Variants in PTGER3 observed in about 807,000 individuals in gnomAD.
The protein encoded by PTGER3 is prostaglandin E receptor 3.
Under a neutral mutation model 34.7 loss-of-function variants are expected in PTGER3, and 22 were observed. The ratio of observed to expected loss-of-function variants is 0.63; its 90% confidence interval spans 0.45 to 0.91. The LOEUF (loss-of-function observed/expected upper bound fraction) is 0.91, where lower values mean the gene tolerates loss of function less well. Among genes scored for constraint, PTGER3 ranks in the 40% least tolerant of loss-of-function variants. The probability of loss-of-function intolerance (pLI) is 0.00; values close to 1 mark genes in which losing one functional copy is unlikely to be tolerated. For missense variants in PTGER3, 468 were observed against 519.4 expected, an observed-to-expected ratio of 0.90 and a Z score of 0.96; for synonymous variants, 241 against 230.1, an observed-to-expected ratio of 1.05 and a Z score of -0.43.
rs1414014245 is a variant in PTGER3 at position 71,029,947 on chromosome 1, TA to T, written c.897+16733del. 9.6e-4 allele frequency among the ~76,000 whole-genome samples: 142 copies of T among 147,778 alleles called. 1 individual carries two copies. In the Middle Eastern group the frequency reaches 0.039, roughly 41 times the overall value. ...TCTCAAATAATAATAATAATAATAATAATAATAATAATAACAAAATAAGTAA... is the reference window on the plus strand; with the variant it reads ...TCTCAAATAATAATAATAATAATAATATAATAATAATAACAAAATAAGTAA... On this transcript the variant is annotated intron_variant, in intron 1 of 3. Coordinates refer to ENST00000306666, the MANE Select transcript of PTGER3 (RefSeq NM_198719.2).
At chr1:70,994,461 AT>A (rs34358551) in intron 2 of PTGER3, among the ~76,000 whole-genome samples, 7 of 148,544 alleles carry the variant, frequency 4.7e-5, no homozygotes, top group East Asian at 2.0e-4. Flanking sequence ...GTAAACCTTA[AT>A]TTTTTTTTTT....
intron 1 of PTGER3, among the ~76,000 whole-genome samples, chr1:71,020,441 G>C (rs1276846860): frequency 2.6e-5 from 4 of 151,996 alleles, no homozygotes; most frequent in Non-Finnish European, 5.9e-5. Context: ...GTAAGCAGTG[G>C]GGCTGGACTG....
chr1:70,890,414 C>T lies in PTGER3; in HGVS notation c.*24-37555G>A, dbSNP rs1646591358. ...AATGACCCCCAAATCTATCTTCTAA[C>T]CTCTGTAAACTGGTGGAGGATGATA... On this transcript the variant is annotated intron_variant, in intron 4 of 4. Transcript: ENST00000370931. Among the ~76,000 whole-genome samples, 6 of 152,200 alleles carry T rather than the reference C, an allele frequency of 3.9e-5. 1 individual carries two copies. In the South Asian group the frequency reaches 1.2e-3, roughly 32 times the overall value.
intron 2 of PTGER3, among the ~76,000 whole-genome samples, chr1:70,979,115 A>G (rs987788504): frequency 6.6e-6 from 1 of 152,136 alleles, no homozygotes; most frequent in Non-Finnish European, 1.5e-5. Flanking sequence ...CTAGCCAATT[A>G]TACTACTCAG....
intron 4 of PTGER3, among the ~76,000 whole-genome samples, chr1:70,904,139 C>T (rs1646897497): frequency 6.6e-6 from 1 of 152,168 alleles, no homozygotes; most frequent in South Asian, 2.1e-4. Flanking sequence ...GCCTGCCCGC[C>T]ATCAATGTAA....
intron 4 of PTGER3, among the ~76,000 whole-genome samples, chr1:70,908,870 A>C (rs534431714): frequency 4.6e-5 from 7 of 152,316 alleles, no homozygotes; most frequent in African/African-American, 1.7e-4. Context: ...AATACTCAGA[A>C]AGCCCTATGC....
rs754927558 is a variant in PTGER3 at position 70,852,904 on chromosome 1, C to G, written c.*24-45G>C. ...ATTAGGATAGCCAATAATAAATGCA[C>G]TGTTAATATCTTAAATAAAAATCAA... On this transcript the variant is annotated intron_variant, in intron 4 of 4. Transcript: ENST00000370931. 4 of 1,574,680 alleles carry G rather than the reference C, an allele frequency of 2.5e-6. No homozygotes were observed. In the South Asian group the frequency reaches 3.4e-5, roughly 13 times the overall value.
intron 4 of PTGER3, among the ~76,000 whole-genome samples, chr1:70,854,386 G>A (rs1211055374): frequency 6.6e-6 from 1 of 152,144 alleles, no homozygotes; most frequent in Non-Finnish European, 1.5e-5. Context: ...AACCATTAGA[G>A]AAATGCAAAT....
At chr1:70,904,850 G>A (rs1557644202) in intron 4 of PTGER3, among the ~76,000 whole-genome samples, 1 of 152,148 alleles carries the variant, frequency 6.6e-6, no homozygotes, top group Admixed American at 6.5e-5. Flanking sequence ...TATAAGTAGT[G>A]AGGAGTGAAT....
At chr1:70,938,403 G>T (rs906637967) in intron 4 of PTGER3, among the ~76,000 whole-genome samples, 3 of 151,816 alleles carry the variant, frequency 2.0e-5, no homozygotes, top group African/African-American at 7.3e-5. Context: ...CACTGAAAAA[G>T]AATTTAAATA....
chr1:71,025,171 TC>T (rs1557753513), intron 1 of PTGER3, among the ~76,000 whole-genome samples: 1 of 149,534 alleles, frequency 6.7e-6, no homozygotes, highest in Non-Finnish European at 1.5e-5. Flanking sequence ...CTTCTTTCCT[TC>T]CTTTTTTTCC....
At chr1:70,883,790 C>T (rs79889429) in intron 4 of PTGER3, among the ~76,000 whole-genome samples, 1,560 of 152,242 alleles carry the variant, frequency 0.01, 28 homozygotes, top group African/African-American at 0.035. Context: ...TGGCCAGGCA[C>T]GTTGGCTCAT....
chr1:71,047,546 G>T lies in PTGER3; in HGVS notation c.32C>A (p.Ala11Asp). 2 of 1,571,786 alleles carry T rather than the reference G, an allele frequency of 1.3e-6. No individual in the cohort carries two copies. Among genetic ancestry groups the T allele is most frequent in the South Asian group, 1.2e-5 (1 of 86,664 alleles). The change falls in exon 1 of 4, where the codon GCC (alanine) becomes GAC (aspartate). Residue 11 changes from alanine (A) to aspartate (D), a missense_variant. Around this residue, in one of 5 missense-constraint regions of PTGER3, gnomAD observed 151 missense variants for 133.5 expected, o/e 1.13. Coordinates refer to ENST00000306666, the MANE Select transcript of PTGER3 (RefSeq NM_198719.2). MKETRGYGGDAPFCTRLNHSY... is the reference protein window; with the variant it reads MKETRGYGGDDPFCTRLNHSY... Reference sequence around the variant, plus strand: ...GTGGTTGAGGCGGGTGCAGAAGGGGGCATCCCCTCCGTAGCCCCGGGTCTC... The same window carrying T: ...GTGGTTGAGGCGGGTGCAGAAGGGGTCATCCCCTCCGTAGCCCCGGGTCTC...
chr1:70,861,109 G>T (rs1225117024), intron 4 of PTGER3, among the ~76,000 whole-genome samples: 1 of 152,148 alleles, frequency 6.6e-6, no homozygotes, highest in Admixed American at 6.5e-5. Flanking sequence ...CACCTGAGGG[G>T]CAGGGAGCTA....
At chr1:71,017,084 G>A (rs183551024) in intron 1 of PTGER3, among the ~76,000 whole-genome samples, 4 of 152,048 alleles carry the variant, frequency 2.6e-5, no homozygotes, top group East Asian at 1.9e-4. Context: ...CTGTGAATAC[G>A]TTACCACACA....
intron 4 of PTGER3, among the ~76,000 whole-genome samples, chr1:70,889,295 G>T (rs1191269766): frequency 1.3e-5 from 2 of 151,488 alleles, no homozygotes; most frequent in Non-Finnish European, 1.5e-5. Context: ...GGTGCCTGTA[G>T]TCCCAGCTAC....
intron 1 of PTGER3, 72 bp downstream of exon 1, chr1:71,046,609 A>ACTTAGCAAAGTCTTAGGTTCCCG: frequency 6.7e-7 from 1 of 1,481,746 alleles, no homozygotes; most frequent in Non-Finnish European, 8.9e-7. Context: ...GGGTGCTGCC[A>ACTTAGCAAAGTCTTAGGTTCCCG]CTTAGCAAAG....
chr1:71,031,899 A>G (rs1022006799), intron 1 of PTGER3, among the ~76,000 whole-genome samples: 1 of 152,210 alleles, frequency 6.6e-6, no homozygotes, highest in Non-Finnish European at 1.5e-5. Context: ...TTAGAAATAG[A>G]TGCTAGAGAA....
intron 4 of PTGER3, among the ~76,000 whole-genome samples, chr1:70,890,551 C>G (rs1646594509): frequency 6.6e-6 from 1 of 152,160 alleles, no homozygotes; most frequent in Admixed American, 6.5e-5. Flanking sequence ...TGTATGTTAT[C>G]TTGGTAAACG....
Sources: gnomAD v4.1 joint callset for allele counts (sites outside exome capture counted in the v4.1 genomes callset) on GRCh38, gnomAD v4.1.1 for gene constraint, gnomAD v4.1.1 regional missense constraint, MANE v1.5 for transcripts, NCBI Gene and HGNC (gene_info 2026-07-23, HGNC 2026-07-21) for gene names.